The following ZFPM1 variants were observed in gnomAD, a reference collection of about 807,000 sequenced individuals.
ZFPM1 encodes zinc finger protein, FOG family member 1.
A neutral mutation model predicts 46.3 loss-of-function variants in ZFPM1; 28 were observed. The ratio of observed to expected loss-of-function variants is 0.60; its 90% confidence interval spans 0.45 to 0.83. ZFPM1 has a LOEUF of 0.83. Ranked by LOEUF, ZFPM1 falls within the 40% of genes least tolerant of loss-of-function variation. The pLI is 0.00. For missense variants in ZFPM1, 1,878 were observed against 1,432.4 expected (o/e 1.31, Z -5.02); for synonymous variants, 957 against 675.9 (o/e 1.42, Z -6.45).
chr16:88,461,116 GACCC>G, intron 1 of ZFPM1, among the ~76,000 whole-genome samples: 1 of 109,568 alleles, frequency 9.1e-6, no homozygotes, highest in Non-Finnish European at 1.7e-5. Flanking sequence ...CCCTGGTGAG[GACCC>G]AGGGATGGGG....
At chr16:88,452,057 A>C (rs1418624792), upstream of ZFPM1, among the ~76,000 whole-genome samples, 1 of 152,040 alleles carries the variant, frequency 6.6e-6, no homozygotes, top group Non-Finnish European at 1.5e-5. Context: ...CTGCTGTGCG[A>C]TGATCTCATC....
In ZFPM1 at chr16:88,469,422, C is replaced by G. The variant is rs1226994761; in HGVS notation, c.40+15744C>G. On this transcript the variant is annotated intron_variant, in intron 1 of 9. Transcript: ENST00000319555. The surrounding 1 kb of genome is among the most constrained non-coding windows in gnomAD (Gnocchi z 4.3). Reference sequence around the variant, plus strand: ...GCCTGGGCCTCAGTTTCCCCTTCCACACCATGAGGCTGAGGTGGCAGGTTC... The same window carrying G: ...GCCTGGGCCTCAGTTTCCCCTTCCAGACCATGAGGCTGAGGTGGCAGGTTC... 6.6e-6 allele frequency among the ~76,000 whole-genome samples: 1 copy of G among 152,198 alleles called. No homozygotes were observed. The highest frequency in any genetic ancestry group is 1.5e-5 in the Non-Finnish European group (1 of 68,038).
intron 3 of ZFPM1, among the ~76,000 whole-genome samples, chr16:88,506,317 G>A (rs1210473173): frequency 6.6e-6 from 1 of 151,860 alleles, no homozygotes; most frequent in African/African-American, 2.4e-5. Flanking sequence ...GGGGACCAGG[G>A]TAGAGGAGCT....
intron 1 of ZFPM1, among the ~76,000 whole-genome samples, chr16:88,476,192 C>T (rs1012540387): frequency 3.9e-5 from 6 of 152,012 alleles, no homozygotes; most frequent in Non-Finnish European, 8.8e-5. Flanking sequence ...CAGGCTGAGA[C>T]CCGAAGGCCC....
intron 1 of ZFPM1, among the ~76,000 whole-genome samples, chr16:88,485,686 C>T (rs1430844595): frequency 2.0e-5 from 3 of 152,156 alleles, no homozygotes; most frequent in African/African-American, 7.2e-5. Flanking sequence ...GCAATCCTCC[C>T]ACCTCAGCCT....
rs1567525822 is a variant in ZFPM1 at position 88,461,182 on chromosome 16, GCGGGGCGGGAGGCC to G, written c.40+7505_40+7518del. On this transcript the variant is annotated intron_variant, in intron 1 of 9. Transcript: ENST00000319555. ...CGGGAGACCTGGTGAGGACCGAGGG[GCGGGGCGGGAGGCC>G]TGGTGAGGACCCAGGGGCGGGAGGC... is the stretch of plus-strand genomic sequence containing the variant. Among the ~76,000 whole-genome samples the G allele has an allele frequency of 5.7e-4, 43 of 75,432 alleles. 1 individual carries two copies. Among genetic ancestry groups the G allele is most frequent in the South Asian group, 1.9e-3 (4 of 2,136 alleles). 49.5% of individuals were successfully genotyped at this position (75,432 alleles called of 152,430 possible).
chr16:88,529,165 T>C lies in ZFPM1; in HGVS notation c.712+927T>C, dbSNP rs1461899998. Among the ~76,000 whole-genome samples, 4 of 150,498 alleles carry C rather than the reference T, an allele frequency of 2.7e-5. No individual in the cohort carries two copies. The Admixed American group carries it at 2.7e-4, about 10-fold the overall frequency. Reference sequence around the variant, plus strand: ...GGTGATGGTGCGCCCCGTGCACCTCTGTGGCCAAGGACAGCGCGTGGCCAT... The same window carrying C: ...GGTGATGGTGCGCCCCGTGCACCTCCGTGGCCAAGGACAGCGCGTGGCCAT... On this transcript the variant is annotated intron_variant, in intron 6 of 9. Transcript: ENST00000319555.
intron 3 of ZFPM1, among the ~76,000 whole-genome samples, chr16:88,511,094 G>A (rs1277495398): frequency 9.2e-5 from 14 of 152,158 alleles, no homozygotes. Flanking sequence ...AGAGGAGGCA[G>A]AAAGACCAGT....
At chr16:88,474,079 C>T (rs1026748005) in intron 1 of ZFPM1, among the ~76,000 whole-genome samples, 5 of 152,228 alleles carry the variant, frequency 3.3e-5, no homozygotes, top group Non-Finnish European at 5.9e-5. Context: ...GTTGAGTAAG[C>T]GCAGGCCGCA....
At chr16:88,524,049 TTAAAC>T (rs1466056968) in intron 4 of ZFPM1, among the ~76,000 whole-genome samples, 2 of 152,228 alleles carry the variant, frequency 1.3e-5, no homozygotes, top group African/African-American at 4.8e-5. Context: ...GTGATAAGCA[TTAAAC>T]CGGCCGGCAG....
At chr16:88,489,293 A>C in intron 3 of ZFPM1, 140 bp downstream of exon 3, 1 of 1,315,756 alleles carries the variant, frequency 7.6e-7, no homozygotes, top group Admixed American at 3.0e-5. Context: ...GCCTAGTCCA[A>C]AGCTCAGCCA....
At chr16:88,461,893 G>A (rs751389085) in intron 1 of ZFPM1, among the ~76,000 whole-genome samples, 5 of 152,214 alleles carry the variant, frequency 3.3e-5, no homozygotes, top group Non-Finnish European at 7.3e-5. Context: ...CCCTGGAGGC[G>A]TGACATGTGT....
chr16:88,528,265 G>A, intron 6 of ZFPM1, 27 bp downstream of exon 6: 1 of 1,565,292 alleles, frequency 6.4e-7, no homozygotes, highest in Non-Finnish European at 8.7e-7. Flanking sequence ...CCGCACCCAG[G>A]GCGGCTGCTC....
At chr16:88,499,979 G>A (rs116408947) in intron 3 of ZFPM1, among the ~76,000 whole-genome samples, 7,948 of 152,290 alleles carry the variant, frequency 0.052, 278 homozygotes, top group South Asian at 0.11. Context: ...GTTGGGGGGC[G>A]GGGGCCGGGC....
intron 2 of ZFPM1, among the ~76,000 whole-genome samples, chr16:88,487,816 C>T (rs1443312317): frequency 6.6e-6 from 1 of 152,170 alleles, no homozygotes; most frequent in Non-Finnish European, 1.5e-5. Context: ...GACCCCAGGG[C>T]TGGGGCCGCC....
At chr16:88,465,556 G>T (rs1335123954) in intron 1 of ZFPM1, among the ~76,000 whole-genome samples, 1 of 152,198 alleles carries the variant, frequency 6.6e-6, no homozygotes, top group Non-Finnish European at 1.5e-5. Context: ...GATCCCTGGT[G>T]TCCCCCTGGT....
chr16:88,495,330 C>T (rs1909875340), intron 3 of ZFPM1, among the ~76,000 whole-genome samples: 1 of 152,198 alleles, frequency 6.6e-6, no homozygotes, highest in Admixed American at 6.5e-5. Flanking sequence ...GTGGAATCCC[C>T]TCCCCTGGAA....
intron 3 of ZFPM1, among the ~76,000 whole-genome samples, chr16:88,506,396 C>G (rs932620697): frequency 6.7e-6 from 1 of 150,166 alleles, no homozygotes; most frequent in East Asian, 2.0e-4. Context: ...TTAGGCAGGC[C>G]CCTCCTTTGT....
chr16:88,533,142 C>T lies in ZFPM1; in HGVS notation c.1190-6C>T, dbSNP rs1246596653. ...CTGAGGTGCCACCCCTGCGATCTCT[C>T]TGCAGACAGTCTGGGCAGCTTCCAG... On this transcript the variant is annotated splice_region_variant and splice_polypyrimidine_tract_variant and intron_variant, in intron 9 of 9. Transcript: ENST00000319555. 1.3e-6 allele frequency: 2 copies of T among 1,485,176 alleles called. No homozygotes were observed. The highest frequency in any genetic ancestry group is 1.4e-5 in the African/African-American group (1 of 71,552). 92.0% of individuals were successfully genotyped at this position (1,485,176 alleles called of 1,614,324 possible).
Sources: gnomAD v4.1 joint callset for allele counts (sites outside exome capture counted in the v4.1 genomes callset) on GRCh38, gnomAD v4.1.1 for gene constraint, Gnocchi (gnomAD v3.1) non-coding constraint, MANE v1.5 for transcripts, NCBI Gene and HGNC (gene_info 2026-07-23, HGNC 2026-07-21) for gene names.